The following PLPP1 variants were observed in gnomAD, a reference collection of about 807,000 sequenced individuals.
The protein encoded by PLPP1 is phospholipid phosphatase 1, also known as lipid phosphate phosphohydrolase 1a.
Under a neutral mutation model 31.2 loss-of-function variants are expected in PLPP1, and 24 were observed. The ratio of observed to expected loss-of-function variants is 0.77; its 90% CI spans 0.56 to 1.08. The LOEUF is 1.08. PLPP1 is among the 50% of genes least tolerant of loss of function. PLPP1 has a pLI of 0.00. For synonymous variants in PLPP1, 146 were observed against 126.3 expected (o/e 1.16, Z -1.05); for missense variants, 319 against 342.7 (o/e 0.93, Z 0.55).
chr5:55,432,020 C>A (rs1045923528), intron 4 of PLPP1, among the ~76,000 whole-genome samples: 1 of 152,024 alleles, frequency 6.6e-6, no homozygotes, highest in Non-Finnish European at 1.5e-5. Flanking sequence ...CTCCTGGGTT[C>A]AAGTGATCCT....
intron 3 of PLPP1, among the ~76,000 whole-genome samples, chr5:55,456,090 G>A (rs976793555): frequency 4.7e-4 from 71 of 152,066 alleles, no homozygotes; most frequent in African/African-American, 1.5e-3. Context: ...TTCTAATATT[G>A]CAAGTATATA....
intron 4 of PLPP1, among the ~76,000 whole-genome samples, chr5:55,436,017 G>GA (rs57953984): frequency 2.6e-5 from 3 of 114,884 alleles, no homozygotes; most frequent in African/African-American, 3.4e-5. Flanking sequence ...CTGTCTCAGA[G>GA]AAAAAAAAAA....
At chr5:55,428,361 C>T (rs1175821301) in intron 4 of PLPP1, among the ~76,000 whole-genome samples, 1 of 152,122 alleles carries the variant, frequency 6.6e-6, no homozygotes, top group African/African-American at 2.4e-5. Flanking sequence ...CTCGGTGTAG[C>T]TCTGTGAAGA....
intron 3 of PLPP1, among the ~76,000 whole-genome samples, chr5:55,456,474 T>C (rs1752012456): frequency 6.6e-6 from 1 of 152,242 alleles, no homozygotes; most frequent in Admixed American, 6.5e-5. Flanking sequence ...TCAAGCATCA[T>C]AATTTTATAA....
chr5:55,532,562 T>C (rs905372132), intron 1 of PLPP1, among the ~76,000 whole-genome samples: 19 of 152,374 alleles, frequency 1.2e-4, no homozygotes, highest in African/African-American at 4.6e-4. Flanking sequence ...AAATATATTT[T>C]TTAATGTAAC....
chr5:55,481,168 T>C (rs982589363), intron 1 of PLPP1, among the ~76,000 whole-genome samples: 4 of 152,152 alleles, frequency 2.6e-5, no homozygotes, highest in African/African-American at 9.7e-5. Flanking sequence ...CTTGCACAAA[T>C]GCTCAGGATC....
chr5:55,511,042 A>G (rs145426472), intron 1 of PLPP1, among the ~76,000 whole-genome samples: 44 of 152,320 alleles, frequency 2.9e-4, no homozygotes, highest in South Asian at 1.4e-3. Flanking sequence ...TAAACCTATC[A>G]CAACACTTAG....
At chr5:55,489,551 G>A (rs1752844044) in intron 1 of PLPP1, among the ~76,000 whole-genome samples, 1 of 152,016 alleles carries the variant, frequency 6.6e-6, no homozygotes, top group African/African-American at 2.4e-5. Flanking sequence ...AGAATTATAT[G>A]AATATATTAA....
At chr5:55,489,804 T>TA (rs1245319464) in intron 1 of PLPP1, among the ~76,000 whole-genome samples, 1 of 152,180 alleles carries the variant, frequency 6.6e-6, no homozygotes, top group Non-Finnish European at 1.5e-5. Flanking sequence ...TAAAGTTTTG[T>TA]AAGTCATATA....
chr5:55,426,837 T>C (rs1751210338), intron 4 of PLPP1, among the ~76,000 whole-genome samples: 1 of 152,196 alleles, frequency 6.6e-6, no homozygotes, highest in African/African-American at 2.4e-5. Context: ...CCTCAAATTG[T>C]TTAACAAGGC....
intron 3 of PLPP1, among the ~76,000 whole-genome samples, chr5:55,466,868 C>T (rs996963749): frequency 5.9e-5 from 9 of 151,984 alleles, no homozygotes; most frequent in African/African-American, 1.9e-4. Flanking sequence ...CTTTGAACAA[C>T]TAAAGGAAAT....
At chr5:55,427,679 A>G (rs1751239977) in intron 4 of PLPP1, among the ~76,000 whole-genome samples, 1 of 151,684 alleles carries the variant, frequency 6.6e-6, no homozygotes, top group African/African-American at 2.4e-5. Flanking sequence ...CTCATATTGA[A>G]TATTATTTTC....
intron 1 of PLPP1, chr5:55,484,646 G>A (rs1752739037): frequency 1.3e-5 from 2 of 152,082 alleles, no homozygotes; most frequent in South Asian, 2.1e-4. Context: ...AGAGAGACTC[G>A]AAAACCTTAC....
At chr5:55,493,986 G>A (rs773879966) in intron 1 of PLPP1, among the ~76,000 whole-genome samples, 29 of 152,034 alleles carry the variant, frequency 1.9e-4, no homozygotes, top group East Asian at 1.3e-3. Context: ...TCGAGGCTAC[G>A]GTGAGCCATG....
At chr5:55,495,900 G>A (rs972613364) in intron 1 of PLPP1, among the ~76,000 whole-genome samples, 1 of 152,060 alleles carries the variant, frequency 6.6e-6, no homozygotes, top group Non-Finnish European at 1.5e-5. Context: ...TGTCGCCCAG[G>A]CTGGAGTAGT....
rs1028911125 is a variant in PLPP1 at position 55,475,604 on chromosome 5, C to T, written c.59-154G>A. Among the ~76,000 whole-genome samples the T allele has an allele frequency of 2.6e-5, 4 of 152,334 alleles. No individual in the cohort carries two copies. In the East Asian group the frequency reaches 7.7e-4, roughly 29 times the overall value. On this transcript the variant is annotated intron_variant, in intron 1 of 5. Transcript: ENST00000307259. ...AAAGGAAATGCAGCAATGCATGCAA[C>T]GGAAGTTAGAAAGATTACAGTTTTA...
intron 3 of PLPP1, among the ~76,000 whole-genome samples, chr5:55,442,592 C>T (rs1408194300): frequency 6.6e-6 from 1 of 150,622 alleles, no homozygotes; most frequent in Non-Finnish European, 1.5e-5. Context: ...GCAGAGGCTG[C>T]AGTGGGCCGA....
At chr5:55,510,440 C>A (rs1753380443) in intron 1 of PLPP1, among the ~76,000 whole-genome samples, 1 of 152,166 alleles carries the variant, frequency 6.6e-6, no homozygotes, top group Non-Finnish European at 1.5e-5. Context: ...AGGTAACACA[C>A]CAATTCAGTA....
At chr5:55,510,310 T>C (rs993108774) in intron 1 of PLPP1, among the ~76,000 whole-genome samples, 2 of 152,196 alleles carry the variant, frequency 1.3e-5, no homozygotes, top group Admixed American at 6.5e-5. Flanking sequence ...TCCATTTATA[T>C]GACATTATAT....
Sources: allele counts gnomAD v4.1 joint callset (sites outside exome capture counted in the v4.1 genomes callset), GRCh38; gene constraint gnomAD v4.1.1; transcripts MANE v1.5; gene names NCBI Gene and HGNC (gene_info 2026-07-23, HGNC 2026-07-21).